Variants in CWC27 observed in about 807,000 individuals in gnomAD.
The protein encoded by CWC27 is CWC27 spliceosome associated cyclophilin.
CWC27 carries 47 observed loss-of-function variants against 63.6 expected under a neutral mutation model. The ratio of observed to expected loss-of-function variants is 0.74; its 90% CI spans 0.58 to 0.94. CWC27 has a LOEUF of 0.94. Ranked by LOEUF, CWC27 falls within the 40% of genes least tolerant of loss-of-function variation. CWC27 has a pLI of 0.00. For synonymous variants in CWC27, 175 were observed against 179.8 expected (o/e 0.97, Z 0.22); for missense variants, 495 against 554.3 (o/e 0.89, Z 1.07).
At chr5:64,788,087 G>C (rs938755322) in intron 6 of CWC27, among the ~76,000 whole-genome samples, 5 of 152,008 alleles carry the variant, frequency 3.3e-5, no homozygotes, top group African/African-American at 7.2e-5. Flanking sequence ...CAAAATAACT[G>C]CTTATTGGAA....
intron 10 of CWC27, among the ~76,000 whole-genome samples, chr5:64,862,369 A>AAAAC (rs34051197): frequency 0.36 from 54,904 of 151,660 alleles, 10,480 homozygotes; most frequent in East Asian, 0.5. Flanking sequence ...CCCTTCCTCA[A>AAAAC]AAACAAACAA....
intron 11 of CWC27, among the ~76,000 whole-genome samples, chr5:64,926,681 T>C (rs1748113820): frequency 6.6e-6 from 1 of 152,078 alleles, no homozygotes; most frequent in Non-Finnish European, 1.5e-5. Context: ...AAAATCTCTG[T>C]GTTGTAAGAT....
chr5:64,864,622 G>A (rs1484561830), intron 10 of CWC27, among the ~76,000 whole-genome samples: 1 of 152,038 alleles, frequency 6.6e-6, no homozygotes, highest in East Asian at 1.9e-4. Flanking sequence ...CATAATTAGT[G>A]TTATTTGTTA....
chr5:64,901,186 GGTAA>G (rs1747499347), intron 11 of CWC27, among the ~76,000 whole-genome samples: 1 of 152,050 alleles, frequency 6.6e-6, no homozygotes, highest in Admixed American at 6.5e-5. Flanking sequence ...GTAATACACA[GGTAA>G]GTATTTGTGT....
intron 10 of CWC27, among the ~76,000 whole-genome samples, chr5:64,821,752 A>G (rs1438567546): frequency 2.6e-5 from 4 of 152,162 alleles, no homozygotes; most frequent in African/African-American, 9.7e-5. Flanking sequence ...TGTTTTTAAA[A>G]GTTTAACTTA....
intron 13 of CWC27, among the ~76,000 whole-genome samples, chr5:65,011,247 C>T (rs988045518): frequency 2.0e-5 from 3 of 152,056 alleles, no homozygotes; most frequent in Non-Finnish European, 2.9e-5. Flanking sequence ...AAAGCAGAGC[C>T]GCCACCTTCA....
intron 13 of CWC27, among the ~76,000 whole-genome samples, chr5:64,995,321 G>A (rs971398895): frequency 1.3e-5 from 2 of 152,044 alleles, no homozygotes; most frequent in Non-Finnish European, 2.9e-5. Flanking sequence ...GTTTGTCATT[G>A]CCTTACAATT....
intron 12 of CWC27, among the ~76,000 whole-genome samples, chr5:64,974,323 G>T (rs190046384): frequency 9.2e-5 from 14 of 151,996 alleles, no homozygotes; most frequent in African/African-American, 3.4e-4. Context: ...ACCCAAAACT[G>T]GGGAAAAAAA....
intron 11 of CWC27, among the ~76,000 whole-genome samples, chr5:64,915,370 G>A (rs1010528800): frequency 6.6e-6 from 1 of 152,188 alleles, no homozygotes; most frequent in African/African-American, 2.4e-5. Flanking sequence ...TACTTTTATA[G>A]GGAAGAGAGA....
intron 11 of CWC27, among the ~76,000 whole-genome samples, chr5:64,898,866 T>A (rs988881618): frequency 1.3e-4 from 20 of 152,090 alleles, no homozygotes; most frequent in African/African-American, 4.1e-4. Context: ...CCGACCCACC[T>A]CCATGCCTAT....
intron 7 of CWC27, among the ~76,000 whole-genome samples, chr5:64,798,011 C>T (rs1487697349): frequency 6.6e-6 from 1 of 151,866 alleles, no homozygotes; most frequent in East Asian, 1.9e-4. Flanking sequence ...TATAAGGGAA[C>T]CAGGTGGGGA....
At chr5:64,791,196 T>G (rs12522567) in intron 7 of CWC27, among the ~76,000 whole-genome samples, 78,869 of 151,976 alleles carry the variant, frequency 0.52, 21,158 homozygotes, top group East Asian at 0.85. Context: ...TTTGTTGAAG[T>G]TAAATTTCTA....
intron 10 of CWC27, among the ~76,000 whole-genome samples, chr5:64,865,539 T>C (rs768489255): frequency 1.1e-4 from 16 of 152,054 alleles, no homozygotes; most frequent in Non-Finnish European, 5.9e-5. Context: ...ATGGATGTGA[T>C]TGGAAACGGT....
At chr5:64,781,302 A>G (rs1049730483) in intron 2 of CWC27, among the ~76,000 whole-genome samples, 2 of 152,192 alleles carry the variant, frequency 1.3e-5, no homozygotes, top group African/African-American at 2.4e-5. Flanking sequence ...TTATTTATTC[A>G]AAGTTTCTTG....
At chr5:64,790,579 G>T (rs1744039752) in intron 7 of CWC27, among the ~76,000 whole-genome samples, 1 of 151,886 alleles carries the variant, frequency 6.6e-6, no homozygotes, top group Admixed American at 6.6e-5. Context: ...CCCCACCCCT[G>T]TTTTTCCTTT....
chr5:64,833,004 A>G (rs1329872555), intron 10 of CWC27, among the ~76,000 whole-genome samples: 1 of 151,804 alleles, frequency 6.6e-6, no homozygotes, highest in African/African-American at 2.4e-5. Context: ...ATCTAGAGCA[A>G]GTTGTAACCT....
intron 10 of CWC27, among the ~76,000 whole-genome samples, chr5:64,824,145 A>G (rs1745292706): frequency 6.6e-6 from 1 of 152,166 alleles, no homozygotes; most frequent in East Asian, 1.9e-4. Flanking sequence ...AATGACATTT[A>G]TTGCTTAGGA....
intron 4 of CWC27, among the ~76,000 whole-genome samples, chr5:64,784,977 T>G (rs544174486): frequency 6.6e-6 from 1 of 152,356 alleles, no homozygotes; most frequent in East Asian, 1.9e-4. Context: ...AGAGACAATG[T>G]GTAGCATAGT....
At chr5:64,905,281 T>C (rs1326767218) in intron 11 of CWC27, among the ~76,000 whole-genome samples, 3 of 149,042 alleles carry the variant, frequency 2.0e-5, no homozygotes, top group African/African-American at 7.4e-5. Flanking sequence ...TACTACCTTC[T>C]CCACACTCAA....
Sources: gnomAD v4.1 joint callset for allele counts (sites outside exome capture counted in the v4.1 genomes callset) on GRCh38, gnomAD v4.1.1 for gene constraint, MANE v1.5 for transcripts, NCBI Gene and HGNC (gene_info 2026-07-23, HGNC 2026-07-21) for gene names.